The following LTO1 variants were observed in gnomAD, a reference collection of about 807,000 sequenced individuals.
LTO1 encodes LTO1 maturation factor of ABCE1.
Under a neutral mutation model 19.8 loss-of-function variants are expected in LTO1, and 18 were observed. The ratio of observed to expected loss-of-function variants is 0.91; its 90% confidence interval spans 0.63 to 1.35. The LOEUF (loss-of-function observed/expected upper bound fraction) is 1.35, where lower values mean the gene tolerates loss of function less well. Among genes scored for constraint, LTO1 ranks in the 40% most tolerant of loss-of-function variants. The pLI is 0.00. For missense variants in LTO1, 175 were observed against 167.9 expected (o/e 1.04, Z -0.23); for synonymous variants, 59 against 59.6 (o/e 0.99, Z 0.05).
rs145595476 is a variant in LTO1, at chr11:69,674,429, G to A, written c.50+761C>T. 2.2e-3 allele frequency: 572 copies of A among 260,330 alleles called. 5 individuals are homozygous for A. The highest frequency in any genetic ancestry group is 0.014 in the Middle Eastern group (9 of 666). The allele number at this position is 260,330 out of a possible 1,614,324, so 16.1% of individuals were successfully genotyped here. ...TAACCTGCAGTCACCAAACATGCAA[G>A]GAGTGGGCTGCAGCGCCCCATGAAG... On this transcript the variant is annotated intron_variant, in intron 1 of 4. Coordinates refer to ENST00000279147, the MANE Select transcript of LTO1 (RefSeq NM_153451.3).
In LTO1 at chr11:69,668,999, G is replaced by A. The variant is rs894184016; in HGVS notation, c.228-987C>T. ...GCTAAGATTGTGCCACTGCACTCCA[G>A]CCTAGGGGACAGAGTGAGAATCCGT... is the stretch of plus-strand genomic sequence containing the variant. On this transcript the variant is annotated intron_variant, in intron 3 of 4. Coordinates refer to ENST00000279147, the MANE Select transcript of LTO1 (RefSeq NM_153451.3). Among the ~76,000 whole-genome samples the A allele has an allele frequency of 5.6e-5, 8 of 143,484 alleles. No individual in the cohort carries two copies. In the South Asian group the frequency reaches 1.3e-3, roughly 24 times the overall value. 94.1% of individuals were successfully genotyped at this position (143,484 alleles called of 152,430 possible). A position where few individuals can be genotyped will look rare whatever the true frequency, so the allele number is the denominator to read the frequency against.
At chr11:69,669,955 T>C (rs1408719565) in intron 3 of LTO1, among the ~76,000 whole-genome samples, 2 of 152,126 alleles carry the variant, frequency 1.3e-5, no homozygotes, top group African/African-American at 4.8e-5. Flanking sequence ...CATCCTTATT[T>C]GGAAAAATTT....
chr11:69,668,587 C>T (rs1331486961), intron 3 of LTO1, among the ~76,000 whole-genome samples: 3 of 152,150 alleles, frequency 2.0e-5, no homozygotes, highest in African/African-American at 4.8e-5. Context: ...TCCCCAACAC[C>T]TCTCTACCTG....
intron 3 of LTO1, among the ~76,000 whole-genome samples, chr11:69,669,558 G>A (rs1856078748): frequency 6.6e-6 from 1 of 152,242 alleles, no homozygotes; most frequent in Non-Finnish European, 1.5e-5. Flanking sequence ...GGAGGTGGCT[G>A]TATGCTAACC....
chr11:69,666,165 A>G lies in LTO1; in HGVS notation c.*1354T>C, dbSNP rs1018964779. 13 of 152,176 alleles carry G rather than the reference A, an allele frequency of 8.5e-5. No homozygotes were observed. Among genetic ancestry groups the G allele is most frequent in the Admixed American group, 6.5e-4 (10 of 15,272 alleles). 9.4% of individuals were successfully genotyped at this position (152,176 alleles called of 1,614,324 possible). Reference sequence around the variant, plus strand: ...GTGAGACTCCGTCTTAAAAGAAAAAACAAAACAAAAACAAAGCGAGCCACC... The same window carrying G: ...GTGAGACTCCGTCTTAAAAGAAAAAGCAAAACAAAAACAAAGCGAGCCACC... On this transcript the variant is annotated 3_prime_UTR_variant, in exon 5 of 5. Coordinates refer to ENST00000279147, the MANE Select transcript of LTO1 (RefSeq NM_153451.3).
chr11:69,671,959 T>C (rs1350608168), intron 2 of LTO1, 140 bp from the exon 3 acceptor site: 4 of 648,132 alleles, frequency 6.2e-6, no homozygotes, highest in African/African-American at 1.8e-5. Flanking sequence ...CTGTTGAGCA[T>C]TAGGCAATGG....
chr11:69,667,674 T>C, intron 4 of LTO1, 87 bp from the exon 5 acceptor site: 1 of 1,000,072 alleles, frequency 1.0e-6, no homozygotes, highest in East Asian at 2.4e-5. Flanking sequence ...CTATAGCTTT[T>C]CCTGTCTATG....
Position 69,665,624 on chromosome 11 carries a change from T to C in LTO1, c.*1895A>G, listed in dbSNP as rs879274632. The C allele has an allele frequency of 6.6e-6, 1 of 152,246 alleles. No individual in the cohort carries two copies. The highest frequency in any genetic ancestry group is 6.5e-5 in the Admixed American group (1 of 15,290). The allele number at this position is 152,246 out of a possible 1,614,324, so 9.4% of individuals were successfully genotyped here. On this transcript the variant is annotated 3_prime_UTR_variant, in exon 5 of 5. Coordinates refer to ENST00000279147, the MANE Select transcript of LTO1 (RefSeq NM_153451.3). ...TTATAAAAATAATACATTATCAAAA[T>C]AGACAACTTACAAAACACAAAAATC...
chr11:69,668,972 G>A (rs534776648), intron 3 of LTO1, among the ~76,000 whole-genome samples: 3 of 148,954 alleles, frequency 2.0e-5, no homozygotes, highest in Non-Finnish European at 4.4e-5. Flanking sequence ...AGGTTGCAGT[G>A]AGCTAAGATT....
Position 69,665,890 on chromosome 11 carries a change from CATGCCTGCA to C in LTO1, c.*1620_*1628del, listed in dbSNP as rs1856025893. The C allele has an allele frequency of 6.6e-6, 1 of 152,232 alleles. No homozygotes were observed. The highest frequency in any genetic ancestry group is 2.4e-5 in the African/African-American group (1 of 41,444). 9.4% of individuals were successfully genotyped at this position (152,232 alleles called of 1,614,324 possible). A position where few individuals can be genotyped will look rare whatever the true frequency, so the allele number is the denominator to read the frequency against. On this transcript the variant is annotated 3_prime_UTR_variant, in exon 5 of 5. Transcript: ENST00000279147. ...AAAAAGCAGGCCGGGAGTGGTGGCT[CATGCCTGCA>C]ATTCCAGCACTTTGGTAGGTGGACG... is the stretch of plus-strand genomic sequence containing the variant.
At chr11:69,667,850 C>T (rs750241070) in intron 4 of LTO1, 45 bp downstream of exon 4, 15 of 996,464 alleles carry the variant, frequency 1.5e-5, no homozygotes, top group South Asian at 1.0e-4. Flanking sequence ...CTGGGAAAGG[C>T]GCAATCAGGT....
rs1366558501 is a variant in LTO1, at chr11:69,673,314, C to T, written c.58G>A (p.Gly20Arg). 2 of 1,602,202 alleles carry T rather than the reference C, an allele frequency of 1.2e-6. No homozygotes were observed. Residue 20 changes from glycine (G) to arginine (R), a missense_variant, in exon 2 of 5, where the codon GGG (glycine) becomes AGG (arginine). Coordinates refer to ENST00000279147, the MANE Select transcript of LTO1 (RefSeq NM_153451.3). ...TCATAGCCTTCCCGATACCCTTCCC[C>T]ATGAAACCTGTGAAGAAGAAGCATG... ...AIVMADERFH[G>R]EGYREGYEEG...
Position 69,675,281 on chromosome 11 carries a change from C to A in LTO1, c.-42G>T. The A allele has an allele frequency of 6.9e-7, 1 of 1,445,256 alleles. No homozygotes were observed. Among genetic ancestry groups the A allele is most frequent in the Non-Finnish European group, 9.2e-7 (1 of 1,090,114 alleles). The allele number at this position is 1,445,256 out of a possible 1,614,324, so 89.5% of individuals were successfully genotyped here. A position where few individuals can be genotyped will look rare whatever the true frequency, so the allele number is the denominator to read the frequency against. On this transcript the variant is annotated 5_prime_UTR_variant, in exon 1 of 5. Transcript: ENST00000279147. ...CCCTTGGCCCCCGGGTTTCTGCAGCCCCGCGGTGCCGTAGCAGACCCGGCA... is the reference window on the plus strand; with the variant it reads ...CCCTTGGCCCCCGGGTTTCTGCAGCACCGCGGTGCCGTAGCAGACCCGGCA...
chr11:69,675,082 C>T (rs1178741809), intron 1 of LTO1, 108 bp downstream of exon 1: 3 of 986,464 alleles, frequency 3.0e-6, no homozygotes, highest in Non-Finnish European at 4.7e-6. Flanking sequence ...CCAATGCGCA[C>T]GCCCAAGGGA....
intron 1 of LTO1, 26 bp downstream of exon 1, chr11:69,675,164 G>A (rs1317003840): frequency 1.3e-6 from 2 of 1,589,858 alleles, no homozygotes; most frequent in Non-Finnish European, 1.7e-6. Context: ...GACAGGGCGG[G>A]GTGCGGGCCC....
At position 69,675,210 on chromosome 11, in the gene LTO1, G is replaced by A. The variant is rs138705169; in HGVS notation, c.30C>T (p.Ala10=). The change falls in exon 1 of 5, where the codon GCC becomes GCT. Residue 10 remains alanine (A), a synonymous_variant. Transcript: ENST00000279147. MAGSQDIFD[A]IVMADERFHG... is the part of the protein sequence containing the mutation. Reference sequence around the variant, plus strand: ...CCCACCTCTCATCCGCCATCACGATGGCATCGAATATGTCCTGACTGCCAG... The same window carrying A: ...CCCACCTCTCATCCGCCATCACGATAGCATCGAATATGTCCTGACTGCCAG... The A allele has an allele frequency of 7.0e-5, 109 of 1,555,884 alleles. No homozygotes were observed. Among genetic ancestry groups the A allele is most frequent in the Admixed American group, 3.8e-4 (18 of 47,410 alleles).
At chr11:69,668,235 A>G (rs930635296) in intron 3 of LTO1, 40 of 490,002 alleles carry the variant, frequency 8.2e-5, no homozygotes, top group African/African-American at 7.4e-4. Context: ...TGCCTAGCTT[A>G]CAGACACGCC....
At chr11:69,674,541 A>T in intron 1 of LTO1, 1 of 349,994 alleles carries the variant, frequency 2.9e-6, no homozygotes, top group South Asian at 2.2e-5. Context: ...GAATAATAGG[A>T]TCCACTTACT....
intron 1 of LTO1, chr11:69,674,760 AG>A (rs1856163497): frequency 4.3e-6 from 2 of 460,850 alleles, no homozygotes; most frequent in Admixed American, 4.7e-5. Context: ...GGGGCTCCCC[AG>A]GGGCTCTGGA....
Sources: allele counts gnomAD v4.1 joint callset (sites outside exome capture counted in the v4.1 genomes callset), GRCh38; gene constraint gnomAD v4.1.1; transcripts MANE v1.5; gene names NCBI Gene and HGNC (gene_info 2026-07-23, HGNC 2026-07-21).